Variants in HEATR5A observed in about 807,000 individuals in gnomAD.
The protein encoded by HEATR5A is HEAT repeat-containing protein 5A.
HEATR5A carries 178 observed loss-of-function variants against 218.8 expected under a neutral mutation model. That is an observed-to-expected ratio of 0.81 (90% CI 0.72 to 0.92). The LOEUF is 0.92. HEATR5A is among the 40% of genes least tolerant of loss of function. HEATR5A has a pLI of 0.00. For missense variants in HEATR5A, 2,420 were observed against 2,418.9 expected (o/e 1.00, Z -0.01); for synonymous variants, 864 against 871.6 (o/e 0.99, Z 0.15).
chr14:31,319,048 G>A (rs1457953174), intron 25 of HEATR5A, among the ~76,000 whole-genome samples: 1 of 152,164 alleles, frequency 6.6e-6, no homozygotes, highest in Non-Finnish European at 1.5e-5. Context: ...TACTGCTTGA[G>A]TTCTAATTGT....
intron 11 of HEATR5A, among the ~76,000 whole-genome samples, chr14:31,378,801 C>CAA (rs77675897): frequency 7.6e-5 from 8 of 105,196 alleles, no homozygotes; most frequent in African/African-American, 1.7e-4. Context: ...AAAAAACAAA[C>CAA]AAAAAAAAAA....
In HEATR5A at chr14:31,293,108, AAAC is replaced by A; in HGVS notation, c.*194_*196del. 2.1e-6 allele frequency: 1 copy of A among 465,326 alleles called. No individual in the cohort carries two copies. Among genetic ancestry groups the A allele is most frequent in the South Asian group, 4.8e-5 (1 of 20,722 alleles). The allele number at this position is 465,326 out of a possible 1,614,324, so 28.8% of individuals were successfully genotyped here. On this transcript the variant is annotated 3_prime_UTR_variant, in exon 36 of 36. Coordinates refer to ENST00000543095, the MANE Select transcript of HEATR5A (RefSeq NM_015473.4). ...CATTGTCTTTTTAAATAGAAAAACA[AAAC>A]AAAACAAAACACAAACCCCACGCAC... is the stretch of plus-strand genomic sequence containing the variant.
intron 33 of HEATR5A, chr14:31,297,736 T>C (rs971287192): frequency 6.6e-6 from 1 of 152,170 alleles, no homozygotes; most frequent in Non-Finnish European, 1.5e-5. Context: ...TTTATATACA[T>C]TAAATATTTA....
intron 22 of HEATR5A, among the ~76,000 whole-genome samples, chr14:31,330,095 T>C (rs1900411935): frequency 6.6e-6 from 1 of 152,210 alleles, no homozygotes; most frequent in South Asian, 2.1e-4. Context: ...TCATTTTCCC[T>C]TTGCACTGCC....
chr14:31,321,525 C>T lies in HEATR5A; in HGVS notation c.3943G>A (p.Val1315Met), dbSNP rs1347674420. Residue 1315 changes from valine to methionine, a missense_variant, in exon 25 of 36, where the codon GTG (valine) becomes ATG (methionine). By Grantham distance (21) the Val-to-Met change is conservative. Coordinates refer to ENST00000543095, the MANE Select transcript of HEATR5A (RefSeq NM_015473.4). ...TTGGCTTGATACTGTTCCAGAATCA[C>T]ATGACCTGGAAACTCTGGTTCTGGA... ...TVPEPEFPGH[V>M]ILEQYQANVG... 2 of 1,600,268 alleles carry T rather than the reference C, an allele frequency of 1.2e-6. No individual in the cohort carries two copies. The highest frequency in any genetic ancestry group is 3.4e-5 in the Admixed American group (2 of 57,990).
intron 1 of HEATR5A, among the ~76,000 whole-genome samples, chr14:31,417,359 G>A (rs1051173521): frequency 2.0e-5 from 3 of 152,020 alleles, no homozygotes; most frequent in Non-Finnish European, 4.4e-5. Context: ...GAAGATGGGA[G>A]GCCATCCTGG....
chr14:31,412,824 A>G (rs1027499757), intron 1 of HEATR5A, among the ~76,000 whole-genome samples: 1 of 152,224 alleles, frequency 6.6e-6, no homozygotes, highest in Non-Finnish European at 1.5e-5. Flanking sequence ...TGGTGAGCCA[A>G]GATGAGGCCA....
chr14:31,354,940 C>T (rs1901369224), intron 16 of HEATR5A, among the ~76,000 whole-genome samples: 1 of 152,114 alleles, frequency 6.6e-6, no homozygotes, highest in Non-Finnish European at 1.5e-5. Context: ...TCACAATCAC[C>T]TAAGGAGTTT....
intron 31 of HEATR5A, among the ~76,000 whole-genome samples, chr14:31,305,447 G>T (rs889984817): frequency 1.3e-5 from 2 of 152,048 alleles, no homozygotes; most frequent in African/African-American, 4.8e-5. Flanking sequence ...ATTTTTAGTA[G>T]AGATGAGGTT....
At position 31,395,190 on chromosome 14, in the gene HEATR5A, T is replaced by A. The variant is rs2030608029; in HGVS notation, c.597+9A>T. The A allele has an allele frequency of 2.0e-6, 3 of 1,484,362 alleles. No homozygotes were observed. The highest frequency in any genetic ancestry group is 2.8e-5 in the African/African-American group (2 of 71,416). 91.9% of individuals were successfully genotyped at this position (1,484,362 alleles called of 1,614,324 possible). On this transcript the variant is annotated intron_variant, in intron 5 of 35. Transcript: ENST00000543095. Reference sequence around the variant, plus strand: ...TAATTTTTAAAGTCTGCTTATTAGATCATTTTACCTTTGCAGCAGCACAAC... The same window carrying A: ...TAATTTTTAAAGTCTGCTTATTAGAACATTTTACCTTTGCAGCAGCACAAC...
intron 21 of HEATR5A, among the ~76,000 whole-genome samples, chr14:31,339,673 T>C (rs1303239221): frequency 6.6e-6 from 1 of 152,080 alleles, no homozygotes; most frequent in Non-Finnish European, 1.5e-5. Context: ...TGTTATACCT[T>C]CAAGCTGTAT....
chr14:31,375,578 T>C (rs551111801), intron 11 of HEATR5A, among the ~76,000 whole-genome samples: 2 of 152,156 alleles, frequency 1.3e-5, no homozygotes, highest in East Asian at 3.9e-4. Context: ...ATTTTTGTAT[T>C]TTTTGGTAGA....
chr14:31,312,412 TC>T (rs1474522978), intron 28 of HEATR5A, among the ~76,000 whole-genome samples: 2 of 150,600 alleles, frequency 1.3e-5, no homozygotes, highest in Non-Finnish European at 3.0e-5. Flanking sequence ...GGTGGGTGTG[TC>T]CTTTTTTTTT....
intron 9 of HEATR5A, among the ~76,000 whole-genome samples, chr14:31,384,732 G>C (rs895270123): frequency 1.3e-5 from 2 of 151,814 alleles, no homozygotes; most frequent in African/African-American, 4.8e-5. Flanking sequence ...TCACCATGTT[G>C]GCCAGGTTGG....
chr14:31,415,510 A>G (rs1252375364), intron 1 of HEATR5A, among the ~76,000 whole-genome samples: 1 of 152,250 alleles, frequency 6.6e-6, no homozygotes, highest in East Asian at 1.9e-4. Context: ...ATACCTTTGC[A>G]TCAGTTCAGG....
chr14:31,360,069 T>G (rs141114333), intron 14 of HEATR5A, among the ~76,000 whole-genome samples: 1 of 149,712 alleles, frequency 6.7e-6, no homozygotes. Context: ...AAAAAGCCAC[T>G]GAACATCAGG....
intron 16 of HEATR5A, among the ~76,000 whole-genome samples, chr14:31,352,623 A>G (rs1200729984): frequency 6.6e-6 from 1 of 152,168 alleles, no homozygotes; most frequent in Non-Finnish European, 1.5e-5. Flanking sequence ...TGTGTACATC[A>G]TAAGGGTTGG....
chr14:31,417,441 C>T (rs905515846), intron 1 of HEATR5A, among the ~76,000 whole-genome samples: 5 of 152,060 alleles, frequency 3.3e-5, no homozygotes, highest in African/African-American at 7.2e-5. Context: ...AAAAATTAGC[C>T]GGGCGTGGTG....
At position 31,308,977 on chromosome 14, in the gene HEATR5A, C is replaced by A; in HGVS notation, c.4647G>T (p.Lys1549Asn). Residue 1549 changes from lysine to asparagine, a missense_variant, in exon 29 of 36, where the codon AAG (lysine) becomes AAT (asparagine). By Grantham distance (94) the Lys-to-Asn change is moderately conservative. Coordinates refer to ENST00000543095, the MANE Select transcript of HEATR5A (RefSeq NM_015473.4). ...CQGSSSGATIKSPEDVYTDRF... is the reference protein window; with the variant it reads ...CQGSSSGATINSPEDVYTDRF... ...TATCAGTGTAGACATCCTCAGGGGA[C>A]TTTATGGTAGCCCCAGATGATGAAC... is the stretch of plus-strand genomic sequence containing the variant. 1 of 1,613,670 alleles carries A rather than the reference C, an allele frequency of 6.2e-7. No homozygotes were observed.
Sources: gnomAD v4.1 joint callset for allele counts (sites outside exome capture counted in the v4.1 genomes callset) on GRCh38, gnomAD v4.1.1 for gene constraint, MANE v1.5 for transcripts, NCBI Gene and HGNC (gene_info 2026-07-23, HGNC 2026-07-21) for gene names.